Variants in MGAM2 observed in about 807,000 individuals in gnomAD.
MGAM2 encodes maltase-glucoamylase 2 (putative).
In MGAM2, 98 loss-of-function variants were observed where a neutral mutation model predicts 96.1. The observed-to-expected ratio is 1.02, with a 90% CI of 0.87 to 1.21. The LOEUF (loss-of-function observed/expected upper bound fraction) is 1.21, where lower values mean the gene tolerates loss of function less well. Ranked by LOEUF, MGAM2 falls within the 50% of genes most tolerant of loss-of-function variation. The pLI is 0.00. For missense variants in MGAM2, 2,055 were observed against 1,182.4 expected, an observed-to-expected ratio of 1.74 and a Z score of -10.82; for synonymous variants, 749 against 414.8, an observed-to-expected ratio of 1.81 and a Z score of -9.79.
intron 32 of MGAM2, among the ~76,000 whole-genome samples, chr7:142,178,428 G>T (rs1483149776): frequency 2.0e-5 from 3 of 152,010 alleles, no homozygotes; most frequent in African/African-American, 7.2e-5. Context: ...TGAATTATTT[G>T]CTAAGGCCAA....
chr7:142,210,320 A>C (rs1797537953), intron 46 of MGAM2, among the ~76,000 whole-genome samples: 1 of 151,192 alleles, frequency 6.6e-6, no homozygotes, highest in Non-Finnish European at 1.5e-5. Flanking sequence ...TTCATACCCT[A>C]GTGGTGCCTG....
At chr7:142,186,185 G>C in intron 35 of MGAM2, 62 bp downstream of exon 35, 1 of 686,432 alleles carries the variant, frequency 1.5e-6, no homozygotes, top group South Asian at 1.5e-5. Flanking sequence ...CAAAACATGG[G>C]GAGGAGAGAC....
chr7:142,163,614 A>G (rs538183280), intron 23 of MGAM2, among the ~76,000 whole-genome samples: 2 of 152,278 alleles, frequency 1.3e-5, no homozygotes, highest in African/African-American at 4.8e-5. Flanking sequence ...AGTGCCTAAG[A>G]GTGCAGTTGC....
At chr7:142,185,284 G>A (rs1796660841) in intron 34 of MGAM2, 145 bp downstream of exon 34, 1 of 526,880 alleles carries the variant, frequency 1.9e-6, no homozygotes, top group African/African-American at 1.9e-5. Flanking sequence ...TTGGCAGAAA[G>A]AGATCCTCGA....
intron 32 of MGAM2, among the ~76,000 whole-genome samples, chr7:142,177,484 C>T (rs1022576939): frequency 3.3e-5 from 5 of 152,120 alleles, no homozygotes; most frequent in African/African-American, 1.2e-4. Flanking sequence ...GTGAACATAG[C>T]ACCAAACAGG....
chr7:142,129,995 G>T (rs1794841031), intron 3 of MGAM2, among the ~76,000 whole-genome samples: 1 of 151,978 alleles, frequency 6.6e-6, no homozygotes, highest in Non-Finnish European at 1.5e-5. Context: ...GGTGAGGAAG[G>T]TGAATGCCTG....
chr7:142,138,825 C>T (rs1273116072), intron 10 of MGAM2, among the ~76,000 whole-genome samples, 158 bp downstream of exon 10: 1 of 152,166 alleles, frequency 6.6e-6, no homozygotes, highest in African/African-American at 2.4e-5. Context: ...TGTATCTGAG[C>T]ATGAAAAGTA....
intron 19 of MGAM2, 105 bp downstream of exon 19, chr7:142,158,437 T>G (rs757217534): frequency 9.8e-6 from 6 of 610,348 alleles, no homozygotes; most frequent in Non-Finnish European, 1.8e-5. Flanking sequence ...TATCAAAATA[T>G]GAATATAAAT....
At chr7:142,117,600 G>T (rs922119211) in intron 2 of MGAM2, among the ~76,000 whole-genome samples, 5 of 152,138 alleles carry the variant, frequency 3.3e-5, no homozygotes, top group African/African-American at 1.2e-4. Context: ...CTTTACAGAT[G>T]TGAATTGAAC....
chr7:142,113,164 A>G (rs1817232745), intron 1 of MGAM2, among the ~76,000 whole-genome samples: 1 of 152,178 alleles, frequency 6.6e-6, no homozygotes, highest in Non-Finnish European at 1.5e-5. Context: ...CAGGGAAATG[A>G]AAAGTAAGAG....
chr7:142,220,979 T>TAA lies in MGAM2; in HGVS notation c.6469_6470dup (p.Asn2157LysfsTer6). On this transcript the variant is annotated frameshift_variant, in exon 48 of 48. Transcript: ENST00000477922. LOFTEE classifies it low-confidence loss of function (END_TRUNC). ...ATACTACTAATGCTAGCACTAGTAC[T>TAA]AATGTTGCTAATATAACTGCTACCT... 1.4e-6 allele frequency: 1 copy of TAA among 702,216 alleles called. No individual in the cohort carries two copies. Among genetic ancestry groups the TAA allele is most frequent in the South Asian group, 1.5e-5 (1 of 67,570 alleles). 43.5% of individuals were successfully genotyped at this position (702,216 alleles called of 1,614,324 possible).
chr7:142,172,914 T>C (rs1796242087), intron 30 of MGAM2, 150 bp downstream of exon 30: 1 of 565,580 alleles, frequency 1.8e-6, no homozygotes, highest in South Asian at 2.5e-5. Flanking sequence ...ATTTTAGTAT[T>C]ATGGTTCTAT....
At chr7:142,209,373 G>T (rs1372493282) in intron 46 of MGAM2, among the ~76,000 whole-genome samples, 2 of 152,136 alleles carry the variant, frequency 1.3e-5, no homozygotes, top group African/African-American at 4.8e-5. Flanking sequence ...GAGTGGGAGG[G>T]CATTGCAAAA....
chr7:142,201,082 C>CTTTTTTTTTTTTTTTT (rs1314170979), intron 45 of MGAM2, among the ~76,000 whole-genome samples: 4 of 108,550 alleles, frequency 3.7e-5, no homozygotes, highest in Non-Finnish European at 6.8e-5. Context: ...TTTTTTTTTT[C>CTTTTTTTTTTTTTTTT]TTTTTTTTTT....
At chr7:142,129,482 C>T (rs1397830866) in intron 3 of MGAM2, among the ~76,000 whole-genome samples, 1 of 152,066 alleles carries the variant, frequency 6.6e-6, no homozygotes, top group Non-Finnish European at 1.5e-5. Flanking sequence ...ACCTAAATCG[C>T]ACCTTGAATT....
At chr7:142,124,941 CTTGT>C (rs1794693933) in intron 3 of MGAM2, among the ~76,000 whole-genome samples, 1 of 151,912 alleles carries the variant, frequency 6.6e-6, no homozygotes, top group Non-Finnish European at 1.5e-5. Context: ...TTTGTAGACT[CTTGT>C]TTTTTTCTGA....
intron 10 of MGAM2, among the ~76,000 whole-genome samples, chr7:142,140,157 G>C (rs143209621): frequency 6.6e-6 from 1 of 152,112 alleles, no homozygotes; most frequent in Non-Finnish European, 1.5e-5. Context: ...TGAAGCCAAA[G>C]AGCCTGTCCC....
chr7:142,131,407 A>G, intron 4 of MGAM2, 111 bp from the exon 5 acceptor site: 1 of 634,108 alleles, frequency 1.6e-6, no homozygotes, highest in East Asian at 2.7e-5. Flanking sequence ...CTTGCACTCC[A>G]GCCTGGGCCA....
chr7:142,168,340 G>A (rs1796090406), intron 26 of MGAM2, among the ~76,000 whole-genome samples: 1 of 151,528 alleles, frequency 6.6e-6, no homozygotes, highest in Non-Finnish European at 1.5e-5. Flanking sequence ...TGCGATCTTG[G>A]CTCACTGGAA....
Sources: allele counts gnomAD v4.1 joint callset (sites outside exome capture counted in the v4.1 genomes callset), GRCh38; gene constraint gnomAD v4.1.1; transcripts MANE v1.5; gene names NCBI Gene and HGNC (gene_info 2026-07-23, HGNC 2026-07-21).